ZC3H13: variants seen among roughly 807,000 people sequenced by gnomAD.
The protein encoded by ZC3H13 is zinc finger CCCH domain-containing protein 13.
ZC3H13 carries 64 observed loss-of-function variants against 204.1 expected under a neutral mutation model. The ratio of observed to expected loss-of-function variants is 0.31; its 90% CI spans 0.26 to 0.39. The LOEUF is 0.39. ZC3H13 is among the 10% of genes least tolerant of loss of function. The probability of loss-of-function intolerance (pLI) is 1.00; values close to 1 mark genes in which losing one functional copy is unlikely to be tolerated. For synonymous variants in ZC3H13, 667 were observed against 693.7 expected (o/e 0.96, Z 0.60); for missense variants, 1,833 against 2,082.7 (o/e 0.88, Z 2.33).
intron 6 of ZC3H13, 139 bp from the exon 7 acceptor site, chr13:46,010,644 C>A: frequency 1.2e-6 from 1 of 830,818 alleles, no homozygotes; most frequent in Non-Finnish European, 1.8e-6. Context: ...ACCTGTAATC[C>A]CAGTTTCTCG....
intron 11 of ZC3H13, chr13:45,976,088 C>T (rs1160996733): frequency 1.2e-6 from 1 of 868,678 alleles, no homozygotes; most frequent in Non-Finnish European, 1.4e-6. Flanking sequence ...CTTCCCCCCT[C>T]CCACTGATCA....
At chr13:45,975,897 C>G in intron 11 of ZC3H13, 59 bp from the exon 12 acceptor site, 1 of 1,533,416 alleles carries the variant, frequency 6.5e-7, no homozygotes, top group Non-Finnish European at 8.7e-7. Context: ...ATTGGTAAGA[C>G]AGCATGGTAA....
chr13:46,030,516 T>A (rs556619701), intron 4 of ZC3H13, among the ~76,000 whole-genome samples: 1 of 152,338 alleles, frequency 6.6e-6, no homozygotes, highest in South Asian at 2.1e-4. Context: ...TTTTTCAAGA[T>A]CTTCCTATAA....
chr13:46,050,103 A>C (rs1209030269), intron 1 of ZC3H13, among the ~76,000 whole-genome samples: 1 of 152,154 alleles, frequency 6.6e-6, no homozygotes, highest in African/African-American at 2.4e-5. Flanking sequence ...AAGTCTTTAT[A>C]ATCTCTTTTC....
intron 8 of ZC3H13, among the ~76,000 whole-genome samples, chr13:45,994,867 A>G (rs797019090): frequency 9.9e-5 from 15 of 152,178 alleles, no homozygotes; most frequent in Middle Eastern, 3.4e-3. Flanking sequence ...GAAGTCCCCA[A>G]TCTGCATTTC....
intron 8 of ZC3H13, among the ~76,000 whole-genome samples, chr13:45,996,677 G>C (rs1414769018): frequency 6.7e-6 from 1 of 150,064 alleles, no homozygotes; most frequent in Non-Finnish European, 1.5e-5. Context: ...TATGCAGTTC[G>C]AGTAACCCTT....
intron 8 of ZC3H13, among the ~76,000 whole-genome samples, chr13:46,001,709 A>G (rs1016883466): frequency 2.0e-5 from 3 of 152,196 alleles, no homozygotes; most frequent in African/African-American, 7.2e-5. Context: ...TCAAAATACC[A>G]AAATAAAAGT....
At chr13:45,963,314 T>C in intron 17 of ZC3H13, 1 of 986,622 alleles carries the variant, frequency 1.0e-6, no homozygotes, top group Non-Finnish European at 1.2e-6. Flanking sequence ...GCTGCCAAAA[T>C]ACCCAATTTC....
chr13:45,970,033 T>A (rs1218837955), intron 13 of ZC3H13, 62 bp from the exon 14 acceptor site: 1 of 1,507,908 alleles, frequency 6.6e-7, no homozygotes, highest in African/African-American at 1.4e-5. Context: ...ATGGTACATA[T>A]AGATTATAAT....
chr13:45,960,640 G>C (rs1204195961), intron 17 of ZC3H13, among the ~76,000 whole-genome samples: 2 of 152,086 alleles, frequency 1.3e-5, no homozygotes, highest in East Asian at 1.9e-4. Flanking sequence ...AAGAGGTTAG[G>C]TTAAAAATAG....
chr13:45,988,325 T>C (rs1027383640), intron 9 of ZC3H13, among the ~76,000 whole-genome samples: 11 of 152,298 alleles, frequency 7.2e-5, no homozygotes, highest in African/African-American at 2.6e-4. Context: ...TGGTGCGATC[T>C]TGGCTCACTG....
intron 7 of ZC3H13, 32 bp downstream of exon 7, chr13:46,010,316 A>T: frequency 6.6e-7 from 1 of 1,510,348 alleles, no homozygotes. Flanking sequence ...AGAAAAAGCT[A>T]TTTTCTCGAT....
intron 5 of ZC3H13, among the ~76,000 whole-genome samples, chr13:46,014,160 CTTT>C (rs893786113): frequency 6.6e-6 from 1 of 152,058 alleles, no homozygotes; most frequent in Admixed American, 6.5e-5. Flanking sequence ...AATACAGCAA[CTTT>C]TTTTAAAATT....
rs1487965877 is a variant in ZC3H13, at chr13:45,956,078, A to G, written c.*1049T>C. 6.6e-6 allele frequency: 1 copy of G among 152,212 alleles called. No homozygotes were observed. Among genetic ancestry groups the G allele is most frequent in the African/African-American group, 2.4e-5 (1 of 41,462 alleles). 9.4% of individuals were successfully genotyped at this position (152,212 alleles called of 1,614,324 possible). On this transcript the variant is annotated 3_prime_UTR_variant, in exon 19 of 19. Coordinates refer to ENST00000679008, the MANE Select transcript of ZC3H13 (RefSeq NM_001330564.2). ...CTTCATGAGTTAAACATATACATAT[A>G]GAACAAAGCAGGTATACTGTAATTT...
chr13:45,987,889 T>C (rs940531798), intron 9 of ZC3H13, among the ~76,000 whole-genome samples: 1 of 152,216 alleles, frequency 6.6e-6, no homozygotes, highest in African/African-American at 2.4e-5. Flanking sequence ...TGAGAGCTAT[T>C]AAACAGGCTT....
rs146728183 is a variant in ZC3H13 at position 45,964,192 on chromosome 13, C to G, written c.4475-150G>C. Reference sequence around the variant, plus strand: ...TCCTATTCTTAAAATAAAAGCCTTCCCATATAATACTCAGAATCTAAGGAC... The same window carrying G: ...TCCTATTCTTAAAATAAAAGCCTTCGCATATAATACTCAGAATCTAAGGAC... On this transcript the variant is annotated intron_variant, in intron 16 of 18. Transcript: ENST00000679008. 8.4e-3 allele frequency: 5,869 copies of G among 695,832 alleles called. 69 individuals carry two copies. Among genetic ancestry groups the G allele is most frequent in the South Asian group, 0.037 (1,645 of 44,664 alleles). The allele number at this position is 695,832 out of a possible 1,614,324, so 43.1% of individuals were successfully genotyped here. A position where few individuals can be genotyped will look rare whatever the true frequency, so the allele number is the denominator to read the frequency against.
chr13:45,983,975 A>G (rs1017619030), intron 10 of ZC3H13, among the ~76,000 whole-genome samples: 1 of 152,250 alleles, frequency 6.6e-6, no homozygotes, highest in African/African-American at 2.4e-5. Flanking sequence ...ATTTAGTGAC[A>G]TATGTACACA....
intron 5 of ZC3H13, among the ~76,000 whole-genome samples, chr13:46,013,499 T>C (rs2041712226): frequency 6.6e-6 from 1 of 152,040 alleles, no homozygotes; most frequent in Non-Finnish European, 1.5e-5. Context: ...AGCTCTCAGG[T>C]CTTTATTCTG....
chr13:46,037,381 C>A (rs1319068940), intron 4 of ZC3H13, among the ~76,000 whole-genome samples: 1 of 152,200 alleles, frequency 6.6e-6, no homozygotes, highest in Admixed American at 6.5e-5. Flanking sequence ...CTAATTCTTT[C>A]TTGAATGCAG....
Sources: allele counts gnomAD v4.1 joint callset (sites outside exome capture counted in the v4.1 genomes callset), GRCh38; gene constraint gnomAD v4.1.1; transcripts MANE v1.5; gene names NCBI Gene and HGNC (gene_info 2026-07-23, HGNC 2026-07-21).